LIG3: variants seen among roughly 807,000 people sequenced by gnomAD.
The protein encoded by LIG3 is ligase II, DNA, ATP-dependent.
Under a neutral mutation model 110.9 loss-of-function variants are expected in LIG3, and 58 were observed. The observed-to-expected ratio is 0.52, with a 90% CI of 0.42 to 0.65. LIG3 has a LOEUF of 0.65. LIG3 is among the 30% of genes least tolerant of loss of function. The pLI, the probability that LIG3 is intolerant of heterozygous loss-of-function variation, is 0.00. For missense variants in LIG3, 1,094 were observed against 1,273.8 expected (o/e 0.86, Z 2.15); for synonymous variants, 422 against 472.8 (o/e 0.89, Z 1.39).
At chr17:34,992,454 T>C (rs2090732249) in intron 7 of LIG3, 70 bp from the exon 8 acceptor site, 1 of 1,435,818 alleles carries the variant, frequency 7.0e-7, no homozygotes, top group South Asian at 1.4e-5. Flanking sequence ...TGAGGACAGA[T>C]TGCTGTCCAA....
Position 35,009,482 on chromosome 17 carries a change from G to A in LIG3, c.*4976G>A, listed in dbSNP as rs949882266. 1 of 151,656 alleles carries A rather than the reference G, an allele frequency of 6.6e-6. No homozygotes were observed. The highest frequency in any genetic ancestry group is 6.6e-5 in the Admixed American group (1 of 15,234). The allele number at this position is 151,656 out of a possible 1,614,324, so 9.4% of individuals were successfully genotyped here. On this transcript the variant is annotated 3_prime_UTR_variant, in exon 20 of 20. Coordinates refer to ENST00000378526, the MANE Select transcript of LIG3 (RefSeq NM_013975.4). ...AAGGATCCATGAGGGGCAGAAGGGAGGATTCAAAGATTTAAAAAAAATCAA... is the reference window on the plus strand; with the variant it reads ...AAGGATCCATGAGGGGCAGAAGGGAAGATTCAAAGATTTAAAAAAAATCAA...
chr17:35,005,540 T>C lies in LIG3; in HGVS notation c.*1034T>C, dbSNP rs772401974. 1 of 577,210 alleles carries C rather than the reference T, an allele frequency of 1.7e-6. No homozygotes were observed. The highest frequency in any genetic ancestry group is 3.5e-6 in the Non-Finnish European group (1 of 287,156). The allele number at this position is 577,210 out of a possible 1,614,324, so 35.8% of individuals were successfully genotyped here. ...GCCTACAAAGTAAATGGACAGTATA[T>C]TATGGAAGGATTTGCATCCAGCTTC... On this transcript the variant is annotated 3_prime_UTR_variant, in exon 20 of 20. Coordinates refer to ENST00000378526, the MANE Select transcript of LIG3 (RefSeq NM_013975.4).
intron 15 of LIG3, 86 bp from the exon 16 acceptor site, chr17:34,999,696 C>T (rs2142279449): frequency 7.6e-7 from 1 of 1,307,758 alleles, no homozygotes; most frequent in Non-Finnish European, 1.1e-6. Flanking sequence ...GTTTAAGTGG[C>T]TTCTTATAAT....
intron 19 of LIG3, chr17:35,003,426 G>A (rs979467443): frequency 3.2e-5 from 7 of 216,600 alleles, no homozygotes; most frequent in East Asian, 1.1e-4. Flanking sequence ...GCGATTCTCC[G>A]GCTTCAGCCT....
intron 4 of LIG3, among the ~76,000 whole-genome samples, chr17:34,990,631 C>T (rs2090709207): frequency 6.6e-6 from 1 of 152,136 alleles, no homozygotes; most frequent in South Asian, 2.1e-4. Flanking sequence ...CAGTGTCTTG[C>T]TCTGTCGCCC....
chr17:34,986,269 T>A, intron 3 of LIG3, 138 bp downstream of exon 3: 1 of 839,154 alleles, frequency 1.2e-6, no homozygotes, highest in Non-Finnish European at 1.9e-6. Flanking sequence ...CAGAGACTGG[T>A]AATGGCTAAT....
rs1201177158 is a variant in LIG3 at position 34,996,170 on chromosome 17, C to T, written c.1718C>T (p.Pro573Leu). The change falls in exon 10 of 20, where the codon CCC becomes CTC. Residue 573 changes from proline to leucine, a missense_variant. Physicochemically the swap from Pro to Leu is moderately conservative, Grantham distance 98. Transcript: ENST00000378526. ...GACAACAAGACAGGCAAACCACTGC[C>T]CTTTGGGACTCTGGGAGTACACAAG... The part of the protein sequence containing the change: ...LIDNKTGKPL[P>L]FGTLGVHKKA... 1 of 1,614,044 alleles carries T rather than the reference C, an allele frequency of 6.2e-7. No homozygotes were observed. The highest frequency in any genetic ancestry group is 1.7e-5 in the Admixed American group (1 of 60,004).
chr17:34,987,489 G>T (rs2090668471), intron 3 of LIG3, among the ~76,000 whole-genome samples: 1 of 152,164 alleles, frequency 6.6e-6, no homozygotes, highest in Admixed American at 6.5e-5. Context: ...AGACATTCTT[G>T]TGATTGACTC....
chr17:34,992,439 T>C, intron 7 of LIG3, 85 bp from the exon 8 acceptor site: 2 of 1,353,560 alleles, frequency 1.5e-6, no homozygotes, highest in Non-Finnish European at 2.0e-6. Flanking sequence ...TGAGGATTTC[T>C]TCTGTGAGGA....
chr17:34,982,950 T>C, intron 1 of LIG3, 52 bp from the exon 2 acceptor site: 3 of 1,435,944 alleles, frequency 2.1e-6, no homozygotes, highest in Non-Finnish European at 2.8e-6. Context: ...GAAGCCTATC[T>C]CCTTGTTTAT....
intron 11 of LIG3, chr17:34,997,525 A>C (rs1353213980): frequency 5.5e-6 from 3 of 547,234 alleles, no homozygotes; most frequent in Admixed American, 3.0e-5. Context: ...ACAACTATGA[A>C]CTGGCTCTAT....
chr17:34,990,941 G>A (rs1237730000), intron 4 of LIG3, 22 bp from the exon 5 acceptor site: 3 of 1,611,204 alleles, frequency 1.9e-6, no homozygotes, highest in Non-Finnish European at 2.5e-6. Context: ...TATTTCTCAA[G>A]AAGGGTTCCT....
At chr17:34,996,245 T>C (rs766920567) in intron 10 of LIG3, 50 bp downstream of exon 10, 2 of 1,593,392 alleles carry the variant, frequency 1.3e-6, no homozygotes, top group Admixed American at 1.7e-5. Flanking sequence ...TGAGTGAGTA[T>C]GTACATGTGG....
chr17:35,000,608 CTTTTTTTTTTT>C (rs57663136), intron 16 of LIG3, among the ~76,000 whole-genome samples: 1 of 80,420 alleles, frequency 1.2e-5, no homozygotes. Context: ...TTGGGAGATA[CTTTTTTTTTTT>C]TTTTTTTTTT....
rs2090903604 is a variant in LIG3, at chr17:35,007,539, G to A, written c.*3033G>A. The A allele has an allele frequency of 1.3e-5, 2 of 152,234 alleles. No individual in the cohort carries two copies. Among genetic ancestry groups the A allele is most frequent in the South Asian group, 4.1e-4 (2 of 4,834 alleles). 9.4% of individuals were successfully genotyped at this position (152,234 alleles called of 1,614,324 possible). A position where few individuals can be genotyped will look rare whatever the true frequency, so the allele number is the denominator to read the frequency against. On this transcript the variant is annotated 3_prime_UTR_variant, in exon 20 of 20. Transcript: ENST00000378526. ...CTCCCTAGGGCAATGTGAGCAAAGT[G>A]TTGTGGCTCATCCTCGATCCTTTAT...
At position 34,997,873 on chromosome 17, in the gene LIG3, G is replaced by A. The variant is rs3136007; in HGVS notation, c.1911+48G>A. On this transcript the variant is annotated intron_variant, in intron 12 of 19. Transcript: ENST00000378526. ...GCAGTGTCCTAGAAGTTTGAAAGCAGGGCAGAGAACTCCTTGGGTCAACTG... is the reference window on the plus strand; with the variant it reads ...GCAGTGTCCTAGAAGTTTGAAAGCAAGGCAGAGAACTCCTTGGGTCAACTG... The A allele has an allele frequency of 7.7e-4, 1,099 of 1,434,320 alleles. 7 individuals carry two copies. The African/African-American group carries it at 0.013, about 17-fold the overall frequency. 88.8% of individuals were successfully genotyped at this position (1,434,320 alleles called of 1,614,324 possible).
In LIG3 at chr17:34,983,183, C is replaced by T. The variant is rs1378711887; in HGVS notation, c.178C>T (p.Gln60Ter). ...FLRRKPVLSF[Q>*]GSHLRSRATY... ...GAGAAGAAAGCCTGTTCTATCATTCCAGGGAAGCCATCTAAGATCACGTGC... is the reference window on the plus strand; with the variant it reads ...GAGAAGAAAGCCTGTTCTATCATTCTAGGGAAGCCATCTAAGATCACGTGC... Residue 60 changes from glutamine (Q) to a stop codon, truncating the protein, a stop_gained, in exon 2 of 20, where the codon CAG becomes TAG. Transcript: ENST00000378526. LOFTEE classifies it high-confidence loss of function. 4 of 1,614,062 alleles carry T rather than the reference C, an allele frequency of 2.5e-6. No homozygotes were observed. The African/African-American group carries it at 4.0e-5, about 16-fold the overall frequency.
In LIG3 at chr17:35,005,609, C is replaced by T. The variant is rs748224885; in HGVS notation, c.*1103C>T. 1 of 578,932 alleles carries T rather than the reference C, an allele frequency of 1.7e-6. No individual in the cohort carries two copies. Among genetic ancestry groups the T allele is most frequent in the East Asian group, 4.3e-5 (1 of 23,164 alleles). 35.9% of individuals were successfully genotyped at this position (578,932 alleles called of 1,614,324 possible). Reference sequence around the variant, plus strand: ...TTAGGTTTCATAATGCTGGACCAGTCGAATGCACCAAATATCCCAAAACTC... The same window carrying T: ...TTAGGTTTCATAATGCTGGACCAGTTGAATGCACCAAATATCCCAAAACTC... On this transcript the variant is annotated 3_prime_UTR_variant, in exon 20 of 20. Coordinates refer to ENST00000378526, the MANE Select transcript of LIG3 (RefSeq NM_013975.4).
At chr17:34,999,935 C>T (rs2090822482) in intron 16 of LIG3, 79 bp downstream of exon 16, 3 of 1,192,702 alleles carry the variant, frequency 2.5e-6, no homozygotes, top group Non-Finnish European at 2.5e-6. Context: ...GAATCCATCT[C>T]ACCTCGCTGA....
Sources: gnomAD v4.1 joint callset for allele counts (sites outside exome capture counted in the v4.1 genomes callset) on GRCh38, gnomAD v4.1.1 for gene constraint, MANE v1.5 for transcripts, NCBI Gene and HGNC (gene_info 2026-07-23, HGNC 2026-07-21) for gene names.